Variants in ANKRD44 observed in about 807,000 individuals in gnomAD.
The protein encoded by ANKRD44 is ankyrin repeat domain 44.
In ANKRD44, 35 loss-of-function variants were observed where a neutral mutation model predicts 116.0. That is an observed-to-expected ratio of 0.30 (90% confidence interval 0.23 to 0.40). The LOEUF is 0.40. Ranked by LOEUF, ANKRD44 falls within the 10% of genes least tolerant of loss-of-function variation. ANKRD44 has a pLI of 1.00. For missense variants in ANKRD44, 1,014 were observed against 1,242.6 expected (o/e 0.82, Z 2.77); for synonymous variants, 435 against 461.8 (o/e 0.94, Z 0.74).
intron 1 of ANKRD44, among the ~76,000 whole-genome samples, chr2:197,246,296 C>A (rs1011678864): frequency 6.7e-6 from 1 of 149,858 alleles, no homozygotes; most frequent in Non-Finnish European, 1.5e-5. Flanking sequence ...AAGTGATACT[C>A]CCGTCTCAGC....
chr2:197,103,889 T>A (rs1249027956), intron 9 of ANKRD44, among the ~76,000 whole-genome samples: 1 of 152,134 alleles, frequency 6.6e-6, no homozygotes, highest in Non-Finnish European at 1.5e-5. Flanking sequence ...GTAGAAAAAG[T>A]TTTTTAGTCC....
intron 8 of ANKRD44, 66 bp from the exon 9 acceptor site, chr2:197,110,910 T>C: frequency 9.2e-7 from 1 of 1,083,446 alleles, no homozygotes; most frequent in Non-Finnish European, 1.4e-6. Flanking sequence ...CCATCTGAAA[T>C]ACCCCTATGG....
At position 197,111,638 on chromosome 2, in the gene ANKRD44, C is replaced by CAA. The variant is rs5837523; in HGVS notation, c.907-796_907-795dup. 1.4e-3 allele frequency among the ~76,000 whole-genome samples: 193 copies of CAA among 134,836 alleles called. 2 individuals carry two copies. The highest frequency in any genetic ancestry group is 2.7e-3 in the Admixed American group (37 of 13,860). The allele number at this position is 134,836 out of a possible 152,430, so 88.5% of individuals were successfully genotyped here. ...TGGGTGACAGAGTGAGACTCTGTCT[C>CAA]AAAAAAAAAAAAGAAAAGAAAACTG... On this transcript the variant is annotated intron_variant, in intron 8 of 27. Coordinates refer to ENST00000282272, the MANE Select transcript of ANKRD44 (RefSeq NM_001195144.2).
At chr2:197,215,512 C>G (rs2081423985) in intron 1 of ANKRD44, among the ~76,000 whole-genome samples, 1 of 152,132 alleles carries the variant, frequency 6.6e-6, no homozygotes, top group South Asian at 2.1e-4. Context: ...CCAATTTTCC[C>G]ATCCCTGAAA....
At position 197,184,970 on chromosome 2, in the gene ANKRD44, T is replaced by A. The variant is rs1028397295; in HGVS notation, c.111+2053A>T. Among the ~76,000 whole-genome samples, 7 of 152,240 alleles carry A rather than the reference T, an allele frequency of 4.6e-5. 1 individual carries two copies. Among genetic ancestry groups the A allele is most frequent in the African/African-American group, 1.7e-4 (7 of 41,470 alleles). On this transcript the variant is annotated intron_variant, in intron 2 of 27. Transcript: ENST00000282272. ...CTTTCCCAAAAAGAAATGAAGGCCA[T>A]TCAGGGGCCAGTACAAACTTTTTTG...
At chr2:197,046,323 C>A (rs145397898) in intron 16 of ANKRD44, among the ~76,000 whole-genome samples, 1 of 152,088 alleles carries the variant, frequency 6.6e-6, no homozygotes, top group African/African-American at 2.4e-5. Flanking sequence ...GCTTTTGATT[C>A]GTAATCGGCA....
chr2:196,972,132 G>C (rs900529337), intron 21 of ANKRD44, among the ~76,000 whole-genome samples: 1 of 152,172 alleles, frequency 6.6e-6, no homozygotes, highest in Admixed American at 6.5e-5. Flanking sequence ...ATGAGGGTGA[G>C]TCATGAGCCA....
intron 4 of ANKRD44, among the ~76,000 whole-genome samples, chr2:197,126,423 T>C (rs2078976153): frequency 6.6e-6 from 1 of 152,230 alleles, no homozygotes; most frequent in Non-Finnish European, 1.5e-5. Flanking sequence ...TATAAATCTT[T>C]GGTTCTCTCT....
chr2:197,012,304 A>G (rs1478045784), intron 18 of ANKRD44, among the ~76,000 whole-genome samples: 3 of 152,144 alleles, frequency 2.0e-5, no homozygotes, highest in Admixed American at 2.0e-4. Flanking sequence ...TTCATTGTTT[A>G]CCTGTTTATA....
chr2:197,269,582 A>C (rs894341728), intron 1 of ANKRD44, among the ~76,000 whole-genome samples: 2 of 152,208 alleles, frequency 1.3e-5, no homozygotes, highest in African/African-American at 4.8e-5. Context: ...GATAGAATTG[A>C]AGTATAACAA....
intron 1 of ANKRD44, among the ~76,000 whole-genome samples, chr2:197,246,479 C>T (rs1165178919): frequency 1.3e-5 from 2 of 149,450 alleles, no homozygotes; most frequent in Admixed American, 6.8e-5. Context: ...CAGGCATGAG[C>T]CACCTCACCC....
intron 1 of ANKRD44, among the ~76,000 whole-genome samples, chr2:197,241,812 G>A (rs886849974): frequency 6.6e-6 from 1 of 152,036 alleles, no homozygotes; most frequent in Admixed American, 6.6e-5. Context: ...TCACTACATA[G>A]TGCTGGTGGC....
rs1332492325 is a variant in ANKRD44 at position 197,272,726 on chromosome 2, G to A, written c.27+37852C>T. Among the ~76,000 whole-genome samples the A allele has an allele frequency of 3.9e-5, 6 of 152,148 alleles. 1 individual carries two copies. Among genetic ancestry groups the A allele is most frequent in the Admixed American group, 2.6e-4 (4 of 15,274 alleles). ...CTCACCCCTTCCATCATGTGAGGAC[G>A]CAGCAGGAAGACAGACATCTATGAA... On this transcript the variant is annotated intron_variant, in intron 1 of 27. Coordinates refer to ENST00000282272, the MANE Select transcript of ANKRD44 (RefSeq NM_001195144.2).
intron 2 of ANKRD44, among the ~76,000 whole-genome samples, chr2:197,169,799 C>T (rs1041709648): frequency 6.6e-6 from 1 of 152,162 alleles, no homozygotes; most frequent in African/African-American, 2.4e-5. Context: ...ACCACTGCCA[C>T]AGACTATTCC....
intron 21 of ANKRD44, 54 bp from the exon 22 acceptor site, chr2:197,001,894 C>T: frequency 7.3e-7 from 1 of 1,366,428 alleles, no homozygotes. Flanking sequence ...TTTTGTTCAA[C>T]CCAATCTGCT....
intron 9 of ANKRD44, among the ~76,000 whole-genome samples, chr2:197,103,223 A>G (rs530334565): frequency 9.7e-4 from 83 of 85,660 alleles, no homozygotes; most frequent in South Asian, 6.7e-3. Context: ...GTGAGACTCC[A>G]TCTCAAAAAA....
chr2:197,040,317 G>A (rs1016997803), intron 16 of ANKRD44, among the ~76,000 whole-genome samples: 1 of 151,040 alleles, frequency 6.6e-6, no homozygotes, highest in Non-Finnish European at 1.5e-5. Flanking sequence ...TTAATTAAGG[G>A]CAATTTCTCT....
chr2:197,130,932 G>A (rs2079080345), intron 4 of ANKRD44, among the ~76,000 whole-genome samples: 1 of 152,306 alleles, frequency 6.6e-6, no homozygotes, highest in East Asian at 1.9e-4. Flanking sequence ...TGCTTTATTG[G>A]CTAGAACAGG....
At chr2:197,178,526 T>C (rs1470696347) in intron 2 of ANKRD44, among the ~76,000 whole-genome samples, 1 of 152,150 alleles carries the variant, frequency 6.6e-6, no homozygotes, top group East Asian at 1.9e-4. Context: ...ATTGTTTTAT[T>C]TGAATCCTTA....
Sources: allele counts gnomAD v4.1 joint callset (sites outside exome capture counted in the v4.1 genomes callset), GRCh38; gene constraint gnomAD v4.1.1; transcripts MANE v1.5; gene names NCBI Gene and HGNC (gene_info 2026-07-23, HGNC 2026-07-21).